The following GNAQ variants were observed in gnomAD, a reference collection of about 807,000 sequenced individuals.
GNAQ encodes the protein guanine nucleotide-binding protein G(q) subunit alpha.
GNAQ carries 8 observed loss-of-function variants against 43.9 expected under a neutral mutation model. The ratio of observed to expected loss-of-function variants is 0.18; its 90% CI spans 0.11 to 0.33. The LOEUF (loss-of-function observed/expected upper bound fraction) is 0.33. GNAQ is among the 10% of genes least tolerant of loss of function. The pLI is 1.00. For missense variants in GNAQ, 158 were observed against 450.8 expected, an observed-to-expected ratio of 0.35 and a Z score of 5.88; for synonymous variants, 155 against 170.7, an observed-to-expected ratio of 0.91 and a Z score of 0.71.
chr9:77,887,594 T>C (rs185689348), intron 2 of GNAQ, among the ~76,000 whole-genome samples: 29 of 152,366 alleles, frequency 1.9e-4, no homozygotes, highest in African/African-American at 6.7e-4. Context: ...GGCATTTTGC[T>C]GGAGTGCACT....
intron 2 of GNAQ, among the ~76,000 whole-genome samples, chr9:77,921,045 T>G (rs1157867051): frequency 6.6e-6 from 1 of 152,204 alleles, no homozygotes; most frequent in Non-Finnish European, 1.5e-5. Context: ...CACAGTAGAT[T>G]TATCAAAAGT....
At chr9:77,749,734 A>G (rs746186121) in intron 5 of GNAQ, among the ~76,000 whole-genome samples, 23 of 152,194 alleles carry the variant, frequency 1.5e-4, no homozygotes, top group Non-Finnish European at 1.6e-4. Context: ...ATTCACACAC[A>G]GAAACACAGA....
rs1305952146 is a variant in GNAQ, at chr9:78,023,056, T to G, written c.136+8044A>C. ...CCTTCTCCCCTTCCAGCATACGCAC[T>G]GCATCCGATTCTGAAACCCACTGGT... On this transcript the variant is annotated intron_variant, in intron 1 of 6. Coordinates refer to ENST00000286548, the MANE Select transcript of GNAQ (RefSeq NM_002072.5). Among the ~76,000 whole-genome samples the G allele has an allele frequency of 6.8e-4, 103 of 152,230 alleles. 1 individual carries two copies. The highest frequency in any genetic ancestry group is 4.4e-5 in the Non-Finnish European group (3 of 68,048).
intron 2 of GNAQ, among the ~76,000 whole-genome samples, chr9:77,908,080 AC>A (rs1184686893): frequency 6.6e-6 from 1 of 152,116 alleles, no homozygotes; most frequent in African/African-American, 2.4e-5. Flanking sequence ...ACTACTACTT[AC>A]CTCACATTTT....
chr9:77,820,777 T>C (rs149969286), intron 2 of GNAQ, among the ~76,000 whole-genome samples: 3 of 152,222 alleles, frequency 2.0e-5, no homozygotes, highest in Non-Finnish European at 4.4e-5. Flanking sequence ...GTATCAATAA[T>C]AACTCTGTCA....
intron 1 of GNAQ, among the ~76,000 whole-genome samples, chr9:77,956,250 C>T (rs1823039130): frequency 6.6e-6 from 1 of 151,946 alleles, no homozygotes; most frequent in Non-Finnish European, 1.5e-5. Flanking sequence ...TAATTAGACC[C>T]CAAAATTGAA....
chr9:77,847,117 T>TA (rs1278476565), intron 2 of GNAQ, among the ~76,000 whole-genome samples: 18 of 152,194 alleles, frequency 1.2e-4, no homozygotes, highest in Non-Finnish European at 2.5e-4. Context: ...CAAATCCATC[T>TA]AAAAAAACTC....
intron 5 of GNAQ, among the ~76,000 whole-genome samples, chr9:77,744,772 A>G (rs1825705285): frequency 6.6e-6 from 1 of 152,230 alleles, no homozygotes; most frequent in Non-Finnish European, 1.5e-5. Flanking sequence ...TAAAAACTGA[A>G]AATGACTCAA....
At chr9:77,947,009 C>T (rs1416146411) in intron 1 of GNAQ, among the ~76,000 whole-genome samples, 1 of 152,258 alleles carries the variant, frequency 6.6e-6, no homozygotes, top group East Asian at 1.9e-4. Flanking sequence ...CCTCTCCGGG[C>T]TACGCCCAAC....
chr9:77,939,938 C>T (rs990142973), intron 1 of GNAQ, among the ~76,000 whole-genome samples: 1 of 152,152 alleles, frequency 6.6e-6, no homozygotes, highest in South Asian at 2.1e-4. Context: ...TATGTACTCG[C>T]TGATGTCCTG....
chr9:77,760,244 C>T (rs1230536112), intron 5 of GNAQ, among the ~76,000 whole-genome samples: 2 of 77,318 alleles, frequency 2.6e-5, no homozygotes, highest in Non-Finnish European at 6.5e-5. Context: ...CCACGGTCTC[C>T]CTCTGATGCC....
intron 1 of GNAQ, among the ~76,000 whole-genome samples, chr9:78,026,942 T>G (rs936455782): frequency 2.0e-5 from 3 of 152,216 alleles, no homozygotes; most frequent in Non-Finnish European, 4.4e-5. Context: ...TCACCTGTGC[T>G]CTACAGAGTA....
chr9:77,750,863 C>T (rs1204776111), intron 5 of GNAQ, among the ~76,000 whole-genome samples: 1 of 152,158 alleles, frequency 6.6e-6, no homozygotes, highest in Non-Finnish European at 1.5e-5. Flanking sequence ...CTTGCTGTGG[C>T]AGGTGATCAA....
At chr9:78,003,252 G>A (rs1045450022) in intron 1 of GNAQ, among the ~76,000 whole-genome samples, 1 of 152,146 alleles carries the variant, frequency 6.6e-6, no homozygotes, top group African/African-American at 2.4e-5. Context: ...CCTTCAAGAG[G>A]GAAAATTAGA....
intron 5 of GNAQ, among the ~76,000 whole-genome samples, chr9:77,783,408 T>A (rs1161645734): frequency 1.3e-5 from 2 of 152,250 alleles, no homozygotes; most frequent in East Asian, 3.8e-4. Context: ...ATGGTACTTT[T>A]TGGGTATATG....
At chr9:77,836,233 C>G (rs372266694) in intron 2 of GNAQ, among the ~76,000 whole-genome samples, 2 of 98,888 alleles carry the variant, frequency 2.0e-5, no homozygotes, top group African/African-American at 5.3e-5. Context: ...ATTAAAAGCC[C>G]CCCCCGGATC....
At chr9:77,880,777 C>A (rs1828195865) in intron 2 of GNAQ, among the ~76,000 whole-genome samples, 1 of 152,118 alleles carries the variant, frequency 6.6e-6, no homozygotes, top group Non-Finnish European at 1.5e-5. Context: ...TGCTGATACG[C>A]ATTATGCCTG....
At chr9:77,971,438 A>T (rs147647139) in intron 1 of GNAQ, among the ~76,000 whole-genome samples, 2 of 152,362 alleles carry the variant, frequency 1.3e-5, no homozygotes, top group Admixed American at 1.3e-4. Context: ...ACCACAATTA[A>T]GATGGCTTCA....
At chr9:77,753,725 T>C (rs1825854321) in intron 5 of GNAQ, among the ~76,000 whole-genome samples, 1 of 152,230 alleles carries the variant, frequency 6.6e-6, no homozygotes, top group Admixed American at 6.5e-5. Flanking sequence ...ATTTGGTATC[T>C]ACCTGTGGAT....
Sources: allele counts gnomAD v4.1 joint callset (sites outside exome capture counted in the v4.1 genomes callset), GRCh38; gene constraint gnomAD v4.1.1; transcripts MANE v1.5; gene names NCBI Gene and HGNC (gene_info 2026-07-23, HGNC 2026-07-21).